Variants in TGFB2 observed in about 807,000 individuals in gnomAD.
TGFB2 encodes transforming growth factor beta-2 proprotein.
TGFB2 carries 13 observed loss-of-function variants against 42.7 expected under a neutral mutation model. That is an observed-to-expected ratio of 0.30 (90% CI 0.20 to 0.48). The LOEUF (loss-of-function observed/expected upper bound fraction) is 0.48, where lower values mean the gene tolerates loss of function less well. TGFB2 is among the 20% of genes least tolerant of loss of function. TGFB2 has a pLI of 0.99. For missense variants in TGFB2, 390 were observed against 517.5 expected (o/e 0.75, Z 2.39); for synonymous variants, 193 against 193.6 (o/e 1.00, Z 0.03).
In TGFB2 at chr1:218,347,245, T is replaced by G. The variant is rs1106569; in HGVS notation, c.346+198T>G. On this transcript the variant is annotated intron_variant, in intron 1 of 6. Coordinates refer to ENST00000366930, the MANE Select transcript of TGFB2 (RefSeq NM_003238.6). Reference sequence around the variant, plus strand: ...GGCTTTAAAATGTTTACTTTCTACTTTATTTTCTCCATCTTTCCCTTCCCC... The same window carrying G: ...GGCTTTAAAATGTTTACTTTCTACTGTATTTTCTCCATCTTTCCCTTCCCC... Among the ~76,000 whole-genome samples the G allele has an allele frequency of 0.03, 4,643 of 152,266 alleles. 96 individuals are homozygous for G. The highest frequency in any genetic ancestry group is 0.081 in the East Asian group (416 of 5,160).
intron 1 of TGFB2, among the ~76,000 whole-genome samples, chr1:218,396,762 C>T (rs140921050): frequency 5.5e-4 from 84 of 152,226 alleles, no homozygotes; most frequent in African/African-American, 1.9e-3. Context: ...GAACTTAAAA[C>T]TAAGTCCACC....
At chr1:218,430,536 A>G (rs1446618580) in intron 2 of TGFB2, among the ~76,000 whole-genome samples, 2 of 152,204 alleles carry the variant, frequency 1.3e-5, no homozygotes, top group African/African-American at 4.8e-5. Flanking sequence ...GCAAAGGCTA[A>G]AATAGAATGG....
At chr1:218,425,482 CAG>C (rs1659593054) in intron 2 of TGFB2, among the ~76,000 whole-genome samples, 5 of 152,144 alleles carry the variant, frequency 3.3e-5, no homozygotes, top group Admixed American at 3.3e-4. Flanking sequence ...GCTAGGATTA[CAG>C]ATGTGAGCCA....
intron 1 of TGFB2, among the ~76,000 whole-genome samples, chr1:218,380,003 T>G (rs80350521): frequency 1.3e-5 from 2 of 152,208 alleles, no homozygotes; most frequent in African/African-American, 2.4e-5. Flanking sequence ...TAAACACTTT[T>G]AGAGACATCG....
rs554494524 is a variant in TGFB2, at chr1:218,406,611, C to T, written c.510+1279C>T. Among the ~76,000 whole-genome samples, 128 of 152,194 alleles carry T rather than the reference C, an allele frequency of 8.4e-4. 1 individual carries two copies. The highest frequency in any genetic ancestry group is 3.0e-3 in the Admixed American group (46 of 15,300). On this transcript the variant is annotated intron_variant, in intron 2 of 6. Coordinates refer to ENST00000366930, the MANE Select transcript of TGFB2 (RefSeq NM_003238.6). ...GTGGTACTTGCATATAGGGTATAGG[C>T]GGGGAAATTTCACCAGGGAGCTGAC...
intron 2 of TGFB2, among the ~76,000 whole-genome samples, chr1:218,420,005 A>C (rs763273739): frequency 6.6e-6 from 1 of 152,214 alleles, no homozygotes; most frequent in Non-Finnish European, 1.5e-5. Context: ...ATTATAGTAC[A>C]GGCCACATAT....
At chr1:218,363,124 A>G (rs940330141) in intron 1 of TGFB2, among the ~76,000 whole-genome samples, 6 of 152,222 alleles carry the variant, frequency 3.9e-5, no homozygotes, top group African/African-American at 1.4e-4. Flanking sequence ...CTGCTGGTTA[A>G]GGGATGCCAG....
intron 2 of TGFB2, among the ~76,000 whole-genome samples, chr1:218,411,891 C>G (rs2102601899): frequency 6.6e-6 from 1 of 151,750 alleles, no homozygotes; most frequent in South Asian, 2.1e-4. Context: ...AATAGCAGGC[C>G]CAGAAATGAC....
intron 4 of TGFB2, 62 bp downstream of exon 4, chr1:218,434,510 G>A: frequency 8.5e-6 from 9 of 1,064,296 alleles, no homozygotes. Flanking sequence ...AATCTCATGG[G>A]GGATAAAATC....
intron 2 of TGFB2, among the ~76,000 whole-genome samples, chr1:218,424,607 T>G (rs536834491): frequency 4.8e-4 from 73 of 152,348 alleles, no homozygotes; most frequent in African/African-American, 1.7e-3. Context: ...CAGGCTAACA[T>G]TGGAGACCAC....
chr1:218,383,893 C>A (rs2102569768), intron 1 of TGFB2, among the ~76,000 whole-genome samples: 1 of 152,336 alleles, frequency 6.6e-6, no homozygotes, highest in South Asian at 2.1e-4. Flanking sequence ...CAAAAAAGCA[C>A]CACATTCGGG....
chr1:218,395,655 A>G (rs1658484419), intron 1 of TGFB2, among the ~76,000 whole-genome samples: 1 of 141,358 alleles, frequency 7.1e-6, no homozygotes, highest in African/African-American at 2.7e-5. Flanking sequence ...TCTGTCGCCC[A>G]GGCTGGAGTG....
At position 218,394,275 on chromosome 1, in the gene TGFB2, C is replaced by T. The variant is rs555538441; in HGVS notation, c.347-10894C>T. Among the ~76,000 whole-genome samples the T allele has an allele frequency of 3.9e-5, 6 of 152,212 alleles. No individual in the cohort carries two copies. In the South Asian group the frequency reaches 1.2e-3, roughly 32 times the overall value. On this transcript the variant is annotated intron_variant, in intron 1 of 6. Coordinates refer to ENST00000366930, the MANE Select transcript of TGFB2 (RefSeq NM_003238.6). The stretch of plus-strand genomic sequence containing the variant: ...GCACCCAATGCTTTTACTGCTAACA[C>T]CCAGTACACCCTACACAAACTGCCT...
At chr1:218,355,724 C>G (rs534799045) in intron 1 of TGFB2, among the ~76,000 whole-genome samples, 1 of 152,292 alleles carries the variant, frequency 6.6e-6, no homozygotes, top group South Asian at 2.1e-4. Context: ...GGCCTTCTTT[C>G]CACAGCAGCT....
At chr1:218,429,424 T>C (rs1350694789) in intron 2 of TGFB2, among the ~76,000 whole-genome samples, 1 of 152,268 alleles carries the variant, frequency 6.6e-6, no homozygotes, top group Non-Finnish European at 1.5e-5. Context: ...TGTCTGAATT[T>C]TATTCTTTCT....
chr1:218,438,833 G>A (rs890094993), intron 6 of TGFB2, among the ~76,000 whole-genome samples: 13 of 152,184 alleles, frequency 8.5e-5, no homozygotes, highest in African/African-American at 2.9e-4. Context: ...TGGGGACCGG[G>A]CGCAGTGACT....
intron 2 of TGFB2, among the ~76,000 whole-genome samples, chr1:218,422,330 G>GC (rs985416177): frequency 2.0e-5 from 3 of 151,790 alleles, no homozygotes; most frequent in African/African-American, 4.8e-5. Flanking sequence ...AGATCCTCCT[G>GC]CCCCAGCCTT....
At chr1:218,423,310 A>G (rs897207556) in intron 2 of TGFB2, among the ~76,000 whole-genome samples, 13 of 152,194 alleles carry the variant, frequency 8.5e-5, no homozygotes, top group African/African-American at 2.9e-4. Context: ...TATGGGCTTA[A>G]TATTCTATTG....
intron 1 of TGFB2, among the ~76,000 whole-genome samples, chr1:218,357,185 C>T (rs1657064861): frequency 6.7e-6 from 1 of 149,696 alleles, no homozygotes; most frequent in Non-Finnish European, 1.5e-5. Context: ...GCACTCCAGC[C>T]TGGGAGACAA....
Sources: gnomAD v4.1 joint callset for allele counts (sites outside exome capture counted in the v4.1 genomes callset) on GRCh38, gnomAD v4.1.1 for gene constraint, MANE v1.5 for transcripts, NCBI Gene and HGNC (gene_info 2026-07-23, HGNC 2026-07-21) for gene names.